Variants in ENTREP2 observed in about 807,000 individuals in gnomAD.
The protein encoded by ENTREP2 is endosomal transmembrane epsin interactor 2, also known as protein ENTREP2.
the ENTREP2 span, chr15:29,381,635 A>G: frequency 1.5e-6 from 1 of 683,768 alleles, no homozygotes; most frequent in East Asian, 2.7e-5. Flanking sequence ...ATCAGCATTC[A>G]GCAGTGAGAT....
chr15:29,643,515 G>T, the ENTREP2 span, among the ~76,000 whole-genome samples: 1 of 152,162 alleles, frequency 6.6e-6, no homozygotes. Flanking sequence ...GGGCACAGTG[G>T]CTCACGCCTG....
At chr15:29,211,000 T>TATGA in the ENTREP2 span, among the ~76,000 whole-genome samples, 1 of 152,140 alleles carries the variant, frequency 6.6e-6, no homozygotes, top group East Asian at 1.9e-4. Flanking sequence ...AATCCATGGG[T>TATGA]ATGAACTGTG....
the ENTREP2 span, among the ~76,000 whole-genome samples, chr15:29,462,738 A>G: frequency 1.3e-5 from 2 of 152,088 alleles, no homozygotes; most frequent in Admixed American, 6.6e-5. Context: ...CAGCAAAGCA[A>G]TATTCTCTCT....
At chr15:29,615,088 G>T in the ENTREP2 span, among the ~76,000 whole-genome samples, 2 of 151,956 alleles carry the variant, frequency 1.3e-5, no homozygotes, top group African/African-American at 2.4e-5. Flanking sequence ...TCCTTTGGAG[G>T]AGTCGCCCCG....
chr15:29,537,841 G>A, the ENTREP2 span, among the ~76,000 whole-genome samples: 1 of 152,010 alleles, frequency 6.6e-6, no homozygotes, highest in East Asian at 1.9e-4. Flanking sequence ...CTTCCTCACT[G>A]CACTCCGCTG....
the ENTREP2 span, among the ~76,000 whole-genome samples, chr15:29,129,606 C>T: frequency 6.6e-6 from 1 of 152,240 alleles, no homozygotes; most frequent in Non-Finnish European, 1.5e-5. Flanking sequence ...CCTCAGCCTT[C>T]TGAGTAGCTG....
chr15:29,635,674 T>C, the ENTREP2 span, among the ~76,000 whole-genome samples: 3 of 152,140 alleles, frequency 2.0e-5, no homozygotes, highest in East Asian at 1.9e-4. Flanking sequence ...GTTCAGGTCA[T>C]CTGAGACTGA....
At chr15:29,365,354 G>A in the ENTREP2 span, among the ~76,000 whole-genome samples, 1 of 150,822 alleles carries the variant, frequency 6.6e-6, no homozygotes, top group African/African-American at 2.4e-5. Flanking sequence ...CTGATTTCAA[G>A]AGATCCTTCC....
the ENTREP2 span, among the ~76,000 whole-genome samples, chr15:29,371,958 A>G: frequency 4.1e-4 from 63 of 152,156 alleles, no homozygotes; most frequent in African/African-American, 1.4e-3. Flanking sequence ...ATAAAGAGAT[A>G]CAATCAAAGA....
chr15:29,177,175 G>A, the ENTREP2 span, among the ~76,000 whole-genome samples: 4 of 152,166 alleles, frequency 2.6e-5, no homozygotes, highest in African/African-American at 9.7e-5. Context: ...ATTCCCTCTG[G>A]GAGCGGCTGG....
the ENTREP2 span, among the ~76,000 whole-genome samples, chr15:29,674,420 C>A: frequency 6.6e-6 from 1 of 152,132 alleles, no homozygotes; most frequent in Non-Finnish European, 1.5e-5. Flanking sequence ...CAGGTGCCCG[C>A]CACCATGCCC....
chr15:29,335,345 C>G, the ENTREP2 span, among the ~76,000 whole-genome samples: 1 of 152,164 alleles, frequency 6.6e-6, no homozygotes, highest in African/African-American at 2.4e-5. Flanking sequence ...CTTCCCACTG[C>G]AAAGGCCTGC....
the ENTREP2 span, among the ~76,000 whole-genome samples, chr15:29,621,588 CAAAA>C: frequency 5.1e-5 from 3 of 58,852 alleles, no homozygotes; most frequent in African/African-American, 1.3e-4. Context: ...TGGCCACTAT[CAAAA>C]AAAAAAAAAA....
chr15:29,612,466 C>G, the ENTREP2 span: 2 of 151,660 alleles, frequency 1.3e-5, no homozygotes, highest in Admixed American at 1.3e-4. Context: ...TTCCTCCAGC[C>G]TCTGGCACAC....
the ENTREP2 span, among the ~76,000 whole-genome samples, chr15:29,596,366 C>T: frequency 6.6e-6 from 1 of 152,148 alleles, no homozygotes. Flanking sequence ...TCTCCCATGC[C>T]TGCAGTGAGG....
chr15:29,168,941 G>GTTACT, the ENTREP2 span, among the ~76,000 whole-genome samples: 1 of 152,166 alleles, frequency 6.6e-6, no homozygotes, highest in African/African-American at 2.4e-5. Flanking sequence ...TTAGTGGATG[G>GTTACT]CTGTAAATTG....
the ENTREP2 span, among the ~76,000 whole-genome samples, chr15:29,244,015 C>G: frequency 1.8e-3 from 278 of 152,336 alleles, no homozygotes; most frequent in Non-Finnish European, 2.6e-3. Flanking sequence ...TAGGTTATCT[C>G]ATTTCTGAAT....
the ENTREP2 span, among the ~76,000 whole-genome samples, chr15:29,198,510 A>G: frequency 6.6e-6 from 1 of 152,244 alleles, no homozygotes; most frequent in South Asian, 2.1e-4. Context: ...TTGTCCATGC[A>G]GTAACTAATA....
chr15:29,609,567 A>C, the ENTREP2 span: 1 of 149,742 alleles, frequency 6.7e-6, no homozygotes, highest in Non-Finnish European at 1.5e-5. Flanking sequence ...CCCTCACCCC[A>C]TACACAGTTC....
Sources: gnomAD v4.1 joint callset for allele counts (sites outside exome capture counted in the v4.1 genomes callset) on GRCh38, gnomAD v4.1.1 for gene constraint, MANE v1.5 for transcripts, NCBI Gene and HGNC (gene_info 2026-07-23, HGNC 2026-07-21) for gene names.